PLCB1: variants seen among roughly 807,000 people sequenced by gnomAD.
PLCB1 encodes the protein phospholipase C beta 1.
PLCB1 carries 46 observed loss-of-function variants against 161.8 expected under a neutral mutation model. The observed-to-expected ratio is 0.28, with a 90% CI of 0.22 to 0.36. PLCB1 has a LOEUF of 0.36. PLCB1 is among the 10% of genes least tolerant of loss of function. The pLI is 1.00. For synonymous variants in PLCB1, 517 were observed against 503.7 expected, an observed-to-expected ratio of 1.03 and a Z score of -0.35; for missense variants, 1,016 against 1,472.5, an observed-to-expected ratio of 0.69 and a Z score of 5.07.
At chr20:8,821,488 A>T (rs1214986934) in intron 31 of PLCB1, among the ~76,000 whole-genome samples, 2 of 44,382 alleles carry the variant, frequency 4.5e-5, no homozygotes, top group African/African-American at 1.9e-4. Context: ...AAAAAAAAAA[A>T]AAAAAAAAAT....
chr20:8,874,337 C>G (rs912675015), intron 31 of PLCB1, among the ~76,000 whole-genome samples: 1 of 151,440 alleles, frequency 6.6e-6, no homozygotes, highest in Admixed American at 6.6e-5. Flanking sequence ...ACAAGTGATC[C>G]TATGTCTATA....
At chr20:8,174,712 G>A (rs2051765025) in intron 2 of PLCB1, among the ~76,000 whole-genome samples, 1 of 152,160 alleles carries the variant, frequency 6.6e-6, no homozygotes, top group Non-Finnish European at 1.5e-5. Flanking sequence ...TTCAGCTGAA[G>A]TGTAAAATAT....
chr20:8,627,504 A>G (rs1988389150), intron 3 of PLCB1, among the ~76,000 whole-genome samples: 1 of 152,144 alleles, frequency 6.6e-6, no homozygotes, highest in Non-Finnish European at 1.5e-5. Context: ...TAAGTGATTG[A>G]TTTGATGCTA....
chr20:8,477,752 C>T (rs1365623648), intron 3 of PLCB1, among the ~76,000 whole-genome samples: 3 of 152,160 alleles, frequency 2.0e-5, no homozygotes, highest in Non-Finnish European at 4.4e-5. Flanking sequence ...CTCGCATGAA[C>T]TAATTGTGCA....
chr20:8,298,676 G>T (rs1983752311), intron 2 of PLCB1, among the ~76,000 whole-genome samples: 1 of 147,484 alleles, frequency 6.8e-6, no homozygotes. Flanking sequence ...TTTTGTTTTT[G>T]GTTTTGTTTG....
At chr20:8,710,841 G>A (rs1354579162) in intron 12 of PLCB1, among the ~76,000 whole-genome samples, 2 of 152,074 alleles carry the variant, frequency 1.3e-5, no homozygotes, top group Non-Finnish European at 2.9e-5. Flanking sequence ...CAAAATGAAA[G>A]GCTATGGTTC....
intron 23 of PLCB1, among the ~76,000 whole-genome samples, chr20:8,750,033 T>G (rs1981374892): frequency 6.6e-6 from 1 of 152,142 alleles, no homozygotes; most frequent in Admixed American, 6.5e-5. Flanking sequence ...GAAAATCAGA[T>G]GCTCTCATAG....
At chr20:8,868,817 A>G (rs1987515572) in intron 31 of PLCB1, among the ~76,000 whole-genome samples, 2 of 152,016 alleles carry the variant, frequency 1.3e-5, no homozygotes, top group South Asian at 4.1e-4. Flanking sequence ...TATTTTTAGT[A>G]GAGATGGGAT....
chr20:8,146,096 GTTTTTTTTGT>G lies in PLCB1; in HGVS notation c.100-4189_100-4180del, dbSNP rs1457480127. Among the ~76,000 whole-genome samples, 67 of 101,306 alleles carry G rather than the reference GTTTTTTTTGT, an allele frequency of 6.6e-4. 2 individuals are homozygous for G. Among genetic ancestry groups the G allele is most frequent in the African/African-American group, 2.0e-3 (34 of 17,242 alleles). The allele number at this position is 101,306 out of a possible 152,430, so 66.5% of individuals were successfully genotyped here. A position where few individuals can be genotyped will look rare whatever the true frequency, so the allele number is the denominator to read the frequency against. Reference sequence around the variant, plus strand: ...CAAAAGAAATCTTCTTACTGTTTTTGTTTTTTTTGTTTTTTTTTTTTTTGGTATAAGGCAC... The same window carrying G: ...CAAAAGAAATCTTCTTACTGTTTTTGTTTTTTTTTTTTTGGTATAAGGCAC... On this transcript the variant is annotated intron_variant, in intron 1 of 31. Coordinates refer to ENST00000338037, the MANE Select transcript of PLCB1 (RefSeq NM_015192.4).
At chr20:8,549,283 C>T (rs1985687380) in intron 3 of PLCB1, among the ~76,000 whole-genome samples, 1 of 152,132 alleles carries the variant, frequency 6.6e-6, no homozygotes, top group Non-Finnish European at 1.5e-5. Flanking sequence ...TGTCTAGGCC[C>T]AAGATGCCTA....
intron 3 of PLCB1, among the ~76,000 whole-genome samples, chr20:8,574,571 A>G (rs1408644222): frequency 1.3e-5 from 2 of 152,248 alleles, no homozygotes; most frequent in African/African-American, 2.4e-5. Context: ...AGAAGTTCCC[A>G]GGGAACAGCA....
At chr20:8,316,201 G>C (rs1182974382) in intron 2 of PLCB1, among the ~76,000 whole-genome samples, 3 of 152,246 alleles carry the variant, frequency 2.0e-5, no homozygotes, top group Non-Finnish European at 4.4e-5. Flanking sequence ...TGGACATTCT[G>C]GGGGAAGATG....
At chr20:8,526,926 T>A (rs1984608451) in intron 3 of PLCB1, among the ~76,000 whole-genome samples, 1 of 141,016 alleles carries the variant, frequency 7.1e-6, no homozygotes, top group South Asian at 2.3e-4. Context: ...TGCCTCCAGC[T>A]TTTAATAAAG....
intron 2 of PLCB1, among the ~76,000 whole-genome samples, chr20:8,240,080 G>C (rs1980521176): frequency 6.6e-6 from 1 of 151,848 alleles, no homozygotes; most frequent in South Asian, 2.1e-4. Context: ...AAAAGACTTA[G>C]TGATTACTTA....
intron 2 of PLCB1, among the ~76,000 whole-genome samples, chr20:8,316,494 C>T (rs529516394): frequency 7.2e-5 from 11 of 152,236 alleles, no homozygotes; most frequent in Admixed American, 6.5e-4. Context: ...CACGCCAATT[C>T]AGGACAGTTC....
intron 2 of PLCB1, among the ~76,000 whole-genome samples, chr20:8,364,682 T>C (rs1020745346): frequency 2.0e-5 from 3 of 152,226 alleles, no homozygotes; most frequent in African/African-American, 7.2e-5. Context: ...TCAAACACTA[T>C]ACAAATCAGG....
intron 3 of PLCB1, among the ~76,000 whole-genome samples, chr20:8,614,812 C>A (rs1988003281): frequency 6.6e-6 from 1 of 151,950 alleles, no homozygotes; most frequent in Admixed American, 6.6e-5. Flanking sequence ...TGGAATAGTC[C>A]CAGCATCACC....
chr20:8,330,231 A>G (rs1985316114), intron 2 of PLCB1, among the ~76,000 whole-genome samples: 1 of 152,166 alleles, frequency 6.6e-6, no homozygotes. Flanking sequence ...GTATTAACTC[A>G]TCGTTTCATT....
intron 31 of PLCB1, among the ~76,000 whole-genome samples, chr20:8,829,747 TC>T (rs1985893025): frequency 6.6e-6 from 1 of 152,218 alleles, no homozygotes; most frequent in East Asian, 1.9e-4. Context: ...AACAAACTGT[TC>T]AGCAACGTAT....
Sources: allele counts gnomAD v4.1 joint callset (sites outside exome capture counted in the v4.1 genomes callset), GRCh38; gene constraint gnomAD v4.1.1; transcripts MANE v1.5; gene names NCBI Gene and HGNC (gene_info 2026-07-23, HGNC 2026-07-21).